Variants in RALGAPA1 observed in about 807,000 individuals in gnomAD.
RALGAPA1 encodes ral GTPase-activating protein subunit alpha-1.
A neutral mutation model predicts 269.6 loss-of-function variants in RALGAPA1; 52 were observed. The observed-to-expected ratio is 0.19, with a 90% CI of 0.15 to 0.24. RALGAPA1 has a LOEUF of 0.24. RALGAPA1 is among the 10% of genes least tolerant of loss of function. The pLI is 1.00. For synonymous variants in RALGAPA1, 817 were observed against 1,008.3 expected, an observed-to-expected ratio of 0.81 and a Z score of 3.60; for missense variants, 1,917 against 3,013.9, an observed-to-expected ratio of 0.64 and a Z score of 8.52.
chr14:35,683,213 T>C (rs2065617224), intron 21 of RALGAPA1, among the ~76,000 whole-genome samples: 1 of 152,184 alleles, frequency 6.6e-6, no homozygotes, highest in Non-Finnish European at 1.5e-5. Flanking sequence ...AACATTGCAA[T>C]AATGTGACTC....
Position 35,702,912 on chromosome 14 carries a change from G to A in RALGAPA1, c.2267-2610C>T, listed in dbSNP as rs555942895. 2.0e-5 allele frequency among the ~76,000 whole-genome samples: 3 copies of A among 151,670 alleles called. No homozygotes were observed. In the South Asian group the frequency reaches 6.2e-4, roughly 31 times the overall value. On this transcript the variant is annotated intron_variant, in intron 16 of 41. Coordinates refer to ENST00000680220, the MANE Select transcript of RALGAPA1 (RefSeq NM_001346249.2). ...CTGCTACCACGCCAGGCTAATTTTTGTATTTTTAGTAGAGACAGGGTTTCA... is the reference window on the plus strand; with the variant it reads ...CTGCTACCACGCCAGGCTAATTTTTATATTTTTAGTAGAGACAGGGTTTCA...
At chr14:35,757,053 T>C in intron 6 of RALGAPA1, 145 bp from the exon 7 acceptor site, 1 of 424,770 alleles carries the variant, frequency 2.4e-6, no homozygotes, top group Non-Finnish European at 3.7e-6. Flanking sequence ...AAATAAATCT[T>C]AAGATCATCC....
intron 16 of RALGAPA1, among the ~76,000 whole-genome samples, chr14:35,718,554 A>G (rs1183962682): frequency 6.6e-6 from 1 of 152,118 alleles, no homozygotes; most frequent in Non-Finnish European, 1.5e-5. Context: ...AGAGGCTCAC[A>G]CCTGTAATCC....
chr14:35,664,585 T>C, intron 27 of RALGAPA1, 57 bp downstream of exon 27: 1 of 1,380,718 alleles, frequency 7.2e-7, no homozygotes, highest in Non-Finnish European at 1.0e-6. Flanking sequence ...TTTTATTGCA[T>C]ATACTTTATG....
rs141222915 is a variant in RALGAPA1 at position 35,634,692 on chromosome 14, G to A, written c.5877C>T (p.Leu1959=). Residue 1959 remains leucine, a synonymous_variant, in exon 33 of 42, where the codon CTC becomes CTT. Coordinates refer to ENST00000680220, the MANE Select transcript of RALGAPA1 (RefSeq NM_001346249.2). ...CATAATCTACAGATGCCAAATCAGA[G>A]AGGCTCATGGGAAAATACCTTGGAT... ...FSNPRYFPMS[L]SDLASVDYDP... 4 of 1,613,522 alleles carry A rather than the reference G, an allele frequency of 2.5e-6. No individual in the cohort carries two copies. The highest frequency in any genetic ancestry group is 3.3e-5 in the Admixed American group (2 of 59,986).
Position 35,576,544 on chromosome 14 carries a change from G to T in RALGAPA1, c.7210-3826C>A, listed in dbSNP as rs149522640. Among the ~76,000 whole-genome samples, 335 of 152,092 alleles carry T rather than the reference G, an allele frequency of 2.2e-3. 1 individual carries two copies. Among genetic ancestry groups the T allele is most frequent in the African/African-American group, 7.8e-3 (322 of 41,466 alleles). ...ACATTTTGGACAAAAATGTCAAATGGGACAGGCTTGGTTAAGAGCCTTACA... is the reference window on the plus strand; with the variant it reads ...ACATTTTGGACAAAAATGTCAAATGTGACAGGCTTGGTTAAGAGCCTTACA... On this transcript the variant is annotated intron_variant, in intron 37 of 41. Coordinates refer to ENST00000680220, the MANE Select transcript of RALGAPA1 (RefSeq NM_001346249.2).
chr14:35,727,162 T>G (rs975614137), intron 13 of RALGAPA1, among the ~76,000 whole-genome samples: 4 of 151,480 alleles, frequency 2.6e-5, no homozygotes, highest in Non-Finnish European at 5.9e-5. Context: ...TTAGGAGTAC[T>G]TAGTCAAAGC....
intron 37 of RALGAPA1, among the ~76,000 whole-genome samples, chr14:35,573,227 T>C (rs2057342234): frequency 6.6e-6 from 1 of 152,146 alleles, no homozygotes; most frequent in Non-Finnish European, 1.5e-5. Flanking sequence ...TACAAAGGTG[T>C]TTCTGGCAAT....
At chr14:35,583,136 G>C (rs544033706) in intron 37 of RALGAPA1, among the ~76,000 whole-genome samples, 2 of 152,204 alleles carry the variant, frequency 1.3e-5, no homozygotes, top group African/African-American at 4.8e-5. Flanking sequence ...ATGTGGCAGA[G>C]ATGCTAGAAT....
rs1257884730 is a variant in RALGAPA1, at chr14:35,733,231, G to A, written c.1588-4721C>T. Among the ~76,000 whole-genome samples the A allele has an allele frequency of 1.8e-4, 27 of 151,970 alleles. 1 individual carries two copies. The highest frequency in any genetic ancestry group is 6.6e-5 in the Admixed American group (1 of 15,242). On this transcript the variant is annotated intron_variant, in intron 12 of 41. Coordinates refer to ENST00000680220, the MANE Select transcript of RALGAPA1 (RefSeq NM_001346249.2). ...GGTGGCTCACACCTGTAATCCCAGC[G>A]CTTTGGGAGGCTGAGGCGGGCGGAT...
intron 28 of RALGAPA1, among the ~76,000 whole-genome samples, chr14:35,656,717 A>C (rs2063198076): frequency 6.6e-6 from 1 of 152,244 alleles, no homozygotes; most frequent in African/African-American, 2.4e-5. Flanking sequence ...TCCTTAACAC[A>C]GCAGATCAGA....
intron 36 of RALGAPA1, among the ~76,000 whole-genome samples, chr14:35,597,165 C>T (rs1254665075): frequency 1.3e-5 from 2 of 152,142 alleles, no homozygotes; most frequent in African/African-American, 4.8e-5. Flanking sequence ...AGTACAGCTA[C>T]GGACAAATAG....
In RALGAPA1 at chr14:35,651,859, G is replaced by C; in HGVS notation, c.5622C>G (p.Thr1874=). The C allele has an allele frequency of 6.3e-7, 1 of 1,598,004 alleles. No homozygotes were observed. Among genetic ancestry groups the C allele is most frequent in the Non-Finnish European group, 8.5e-7 (1 of 1,175,436 alleles). The change falls in exon 31 of 42, where the codon ACC becomes ACG. Residue 1874 remains threonine (T), a synonymous_variant. Coordinates refer to ENST00000680220, the MANE Select transcript of RALGAPA1 (RefSeq NM_001346249.2). ...PLKIIQILIA[T]ITHLLPSTEA... ...CTGTACTTGGTAAAAGATGGGTGAT[G>C]GTAGCTATTAGGATCTGTAAGCAAA...
At chr14:35,769,222 T>C (rs1223357629) in intron 4 of RALGAPA1, among the ~76,000 whole-genome samples, 3 of 150,326 alleles carry the variant, frequency 2.0e-5, no homozygotes, top group Non-Finnish European at 3.0e-5. Context: ...AGAGAAGACA[T>C]AAATTAACAA....
At chr14:35,625,042 A>G (rs962259220) in intron 35 of RALGAPA1, among the ~76,000 whole-genome samples, 1 of 151,478 alleles carries the variant, frequency 6.6e-6, no homozygotes, top group African/African-American at 2.4e-5. Context: ...ATACAAAAAA[A>G]AGTTAGCCGG....
intron 39 of RALGAPA1, among the ~76,000 whole-genome samples, chr14:35,570,270 CAAA>C (rs11458177): frequency 4.3e-5 from 4 of 93,192 alleles, no homozygotes. Context: ...GACTCCATCT[CAAA>C]AAAAAAAAAA....
At chr14:35,602,254 T>C (rs1228339292) in intron 36 of RALGAPA1, among the ~76,000 whole-genome samples, 3 of 152,222 alleles carry the variant, frequency 2.0e-5, no homozygotes, top group African/African-American at 7.2e-5. Context: ...TTTGCTAGAG[T>C]AAATAATGCT....
chr14:35,689,330 A>G lies in RALGAPA1; in HGVS notation c.3081T>C (p.Ser1027=). The change falls in exon 18 of 42, where the codon AGT becomes AGC. Residue 1027 remains serine (S), a synonymous_variant. Coordinates refer to ENST00000680220, the MANE Select transcript of RALGAPA1 (RefSeq NM_001346249.2). The part of the protein sequence containing the change: ...MSNIAPNQSD[S]FFRTQTSEKS... ...TTTCAGAAGTTTGTGTTCTAAAAAA[A>G]CTGTCTGACTGGTTAGGTGCGATAT... The G allele has an allele frequency of 8.1e-7, 1 of 1,232,174 alleles. No homozygotes were observed. The highest frequency in any genetic ancestry group is 1.0e-6 in the Non-Finnish European group (1 of 988,028). The allele number at this position is 1,232,174 out of a possible 1,614,324, so 76.3% of individuals were successfully genotyped here. A position where few individuals can be genotyped will look rare whatever the true frequency, so the allele number is the denominator to read the frequency against.
At chr14:35,658,322 C>T (rs533900992) in intron 28 of RALGAPA1, among the ~76,000 whole-genome samples, 9 of 152,200 alleles carry the variant, frequency 5.9e-5, no homozygotes, top group South Asian at 4.1e-4. Context: ...TTTTCATTTG[C>T]TGGAAAAAGA....
Sources: allele counts gnomAD v4.1 joint callset (sites outside exome capture counted in the v4.1 genomes callset), GRCh38; gene constraint gnomAD v4.1.1; transcripts MANE v1.5; gene names NCBI Gene and HGNC (gene_info 2026-07-23, HGNC 2026-07-21).